The following ANO3 variants were observed in gnomAD, a reference collection of about 807,000 sequenced individuals.
ANO3 encodes anoctamin 3.
In ANO3, 99 loss-of-function variants were observed where a neutral mutation model predicts 144.8. The ratio of observed to expected loss-of-function variants is 0.68; its 90% CI spans 0.58 to 0.81. The LOEUF is 0.81. Ranked by LOEUF, ANO3 falls within the 30% of genes least tolerant of loss-of-function variation. The probability of loss-of-function intolerance (pLI) is 0.00; values close to 1 mark genes in which losing one functional copy is unlikely to be tolerated. For missense variants in ANO3, 905 were observed against 1,202.2 expected (o/e 0.75, Z 3.66); for synonymous variants, 414 against 392.6 (o/e 1.05, Z -0.64).
At chr11:26,230,978 C>T (rs915153464) in intron 1 of ANO3, among the ~76,000 whole-genome samples, 4 of 150,490 alleles carry the variant, frequency 2.7e-5, no homozygotes, top group Admixed American at 2.7e-4. Flanking sequence ...TCCTGTGTTC[C>T]AGTGATTCTC....
chr11:26,425,709 T>C (rs1309778362), intron 1 of ANO3, among the ~76,000 whole-genome samples: 2 of 152,122 alleles, frequency 1.3e-5, no homozygotes, highest in Non-Finnish European at 2.9e-5. Context: ...AAATTTGCTT[T>C]AATATAGAGA....
In ANO3 at chr11:26,531,437, C is replaced by A. The variant is rs559697101; in HGVS notation, c.869+101C>A. On this transcript the variant is annotated intron_variant, in intron 8 of 26. Transcript: ENST00000256737. ...GACCATTTCCATTGTTTACCAAATACGTCAGAGAACTTATCATTGTATTAA... is the reference window on the plus strand; with the variant it reads ...GACCATTTCCATTGTTTACCAAATAAGTCAGAGAACTTATCATTGTATTAA... 2.3e-5 allele frequency: 30 copies of A among 1,310,274 alleles called. No individual in the cohort carries two copies. In the Admixed American group the frequency reaches 4.9e-4, roughly 22 times the overall value. The allele number at this position is 1,310,274 out of a possible 1,614,324, so 81.2% of individuals were successfully genotyped here. A position where few individuals can be genotyped will look rare whatever the true frequency, so the allele number is the denominator to read the frequency against.
chr11:26,371,548 C>G (rs1032755549), intron 1 of ANO3, among the ~76,000 whole-genome samples: 6 of 152,190 alleles, frequency 3.9e-5, no homozygotes, highest in African/African-American at 9.6e-5. Context: ...CAGCTTGCAC[C>G]ATGCACCTGG....
intron 3 of ANO3, among the ~76,000 whole-genome samples, chr11:26,456,963 A>T (rs1001504139): frequency 6.6e-5 from 10 of 150,852 alleles, no homozygotes; most frequent in Non-Finnish European, 1.0e-4. Context: ...TTCTCAGTAA[A>T]CTATCGCAAC....
intron 1 of ANO3, among the ~76,000 whole-genome samples, chr11:26,235,770 G>GT (rs1301712869): frequency 3.4e-5 from 5 of 146,454 alleles, no homozygotes; most frequent in African/African-American, 1.2e-4. Flanking sequence ...ATTTTGTGTC[G>GT]TCCCCCCACA....
chr11:26,568,177 A>G (rs1340475353), intron 14 of ANO3, among the ~76,000 whole-genome samples: 1 of 152,098 alleles, frequency 6.6e-6, no homozygotes, highest in Non-Finnish European at 1.5e-5. Context: ...AAAGTATATT[A>G]CTATTATGCA....
chr11:26,593,519 C>T (rs911058774), intron 14 of ANO3, among the ~76,000 whole-genome samples: 3 of 152,088 alleles, frequency 2.0e-5, no homozygotes, highest in African/African-American at 7.2e-5. Flanking sequence ...ACTCCTGGCC[C>T]TCAATGGTCA....
upstream of ANO3, among the ~76,000 whole-genome samples, chr11:26,328,625 G>A (rs892566929): frequency 6.6e-6 from 1 of 152,170 alleles, no homozygotes; most frequent in African/African-American, 2.4e-5. Flanking sequence ...GGGAGCAAAT[G>A]TTAGCAGGGG....
intron 1 of ANO3, among the ~76,000 whole-genome samples, chr11:26,297,987 A>C (rs1357693904): frequency 1.3e-5 from 2 of 152,182 alleles, no homozygotes; most frequent in African/African-American, 4.8e-5. Flanking sequence ...GCCTGCAAAA[A>C]TGAGGAGCAT....
At chr11:26,418,933 A>T (rs898920196) in intron 1 of ANO3, among the ~76,000 whole-genome samples, 3 of 152,124 alleles carry the variant, frequency 2.0e-5, no homozygotes, top group Admixed American at 2.0e-4. Context: ...GCTCTAACCC[A>T]TGGGGACACA....
chr11:26,272,506 T>C (rs1407108651), intron 1 of ANO3, among the ~76,000 whole-genome samples: 4 of 152,184 alleles, frequency 2.6e-5, no homozygotes, highest in Non-Finnish European at 5.9e-5. Flanking sequence ...TAGACTCTAA[T>C]ATGATTCCAG....
At chr11:26,373,205 T>C (rs889587217) in intron 1 of ANO3, among the ~76,000 whole-genome samples, 1 of 152,200 alleles carries the variant, frequency 6.6e-6, no homozygotes, top group African/African-American at 2.4e-5. Context: ...GATATGTATC[T>C]CCACCTAAAT....
chr11:26,382,095 T>C (rs983900838), intron 1 of ANO3, among the ~76,000 whole-genome samples: 2 of 152,186 alleles, frequency 1.3e-5, no homozygotes, highest in African/African-American at 4.8e-5. Context: ...ATGAAATCTA[T>C]CTATTAATAA....
At chr11:26,562,726 A>C (rs1041425698) in intron 14 of ANO3, among the ~76,000 whole-genome samples, 9 of 151,890 alleles carry the variant, frequency 5.9e-5, no homozygotes, top group Non-Finnish European at 1.3e-4. Flanking sequence ...ATTAGAATCA[A>C]TCTTTGTTCA....
intron 1 of ANO3, among the ~76,000 whole-genome samples, chr11:26,383,941 A>G (rs184508050): frequency 0.013 from 1,372 of 108,494 alleles, 21 homozygotes; most frequent in Non-Finnish European, 0.017. Context: ...TCTGTTGCCC[A>G]GGCTGGAGTG....
intron 1 of ANO3, among the ~76,000 whole-genome samples, chr11:26,398,546 A>G (rs1362026456): frequency 6.6e-6 from 1 of 152,100 alleles, no homozygotes; most frequent in Admixed American, 6.6e-5. Flanking sequence ...TCTTCCGTAT[A>G]TCTGAGATAT....
chr11:26,452,015 C>T (rs1471246158), intron 3 of ANO3, among the ~76,000 whole-genome samples: 1 of 152,200 alleles, frequency 6.6e-6, no homozygotes, highest in Non-Finnish European at 1.5e-5. Flanking sequence ...AACAGACCTG[C>T]AGCTGAGGGT....
chr11:26,256,838 T>C (rs560965944), intron 1 of ANO3, among the ~76,000 whole-genome samples: 1 of 152,238 alleles, frequency 6.6e-6, no homozygotes, highest in Admixed American at 6.6e-5. Context: ...GGTTCACAGT[T>C]TGGAGGATTT....
chr11:26,236,869 A>G (rs1852542254), intron 1 of ANO3, among the ~76,000 whole-genome samples: 1 of 151,894 alleles, frequency 6.6e-6, no homozygotes, highest in African/African-American at 2.4e-5. Flanking sequence ...TTGAGGAAAT[A>G]TATTTATTTA....
Sources: allele counts gnomAD v4.1 joint callset (sites outside exome capture counted in the v4.1 genomes callset), GRCh38; gene constraint gnomAD v4.1.1; transcripts MANE v1.5; gene names NCBI Gene and HGNC (gene_info 2026-07-23, HGNC 2026-07-21).